The following ANKH variants were observed in gnomAD, a reference collection of about 807,000 sequenced individuals.
The protein encoded by ANKH is mineralization regulator ANKH.
In ANKH, 15 loss-of-function variants were observed where a neutral mutation model predicts 49.0. That is an observed-to-expected ratio of 0.31 (90% CI 0.20 to 0.47). ANKH has a LOEUF of 0.47. Among genes scored for constraint, ANKH ranks in the 20% least tolerant of loss-of-function variants. The probability of loss-of-function intolerance (pLI) is 1.00; values close to 1 mark genes in which losing one functional copy is unlikely to be tolerated. For missense variants in ANKH, 429 were observed against 652.0 expected, an observed-to-expected ratio of 0.66 and a Z score of 3.72; for synonymous variants, 273 against 260.0, an observed-to-expected ratio of 1.05 and a Z score of -0.48.
At chr5:14,771,937 A>AAAAAAAAAAAAAAAAAC (rs1561048114) in intron 1 of ANKH, among the ~76,000 whole-genome samples, 5 of 140,386 alleles carry the variant, frequency 3.6e-5, no homozygotes, top group Admixed American at 1.4e-4. Context: ...AAAAAAAAAA[A>AAAAAAAAAAAAAAAAAC]AAAAAAAAAA....
At chr5:14,793,024 ATATATATATAAAAATAT>A (rs1279057875) in intron 1 of ANKH, among the ~76,000 whole-genome samples, 5 of 43,128 alleles carry the variant, frequency 1.2e-4, no homozygotes, top group Non-Finnish European at 1.9e-4. Flanking sequence ...ATATATAAAT[ATATATATATAAAAATAT>A]ATATATAAAT....
At chr5:14,739,068 GAGAC>G (rs1738272928) in intron 8 of ANKH, among the ~76,000 whole-genome samples, 1 of 152,190 alleles carries the variant, frequency 6.6e-6, no homozygotes, top group South Asian at 2.1e-4. Context: ...AATACAGTAA[GAGAC>G]AGAATAAGGT....
At chr5:14,821,097 TA>T (rs34183956) in intron 1 of ANKH, among the ~76,000 whole-genome samples, 1,626 of 146,908 alleles carry the variant, frequency 0.011, 29 homozygotes, top group African/African-American at 0.037. Context: ...GACCCTGTCT[TA>T]AAAAAAAAAA....
At chr5:14,755,039 C>T (rs545591395) in intron 4 of ANKH, among the ~76,000 whole-genome samples, 7 of 136,456 alleles carry the variant, frequency 5.1e-5, no homozygotes, top group African/African-American at 1.8e-4. Context: ...TTGTGCCATT[C>T]GACAAGAGCG....
chr5:14,766,096 G>C (rs1739250444), intron 2 of ANKH, among the ~76,000 whole-genome samples: 1 of 152,044 alleles, frequency 6.6e-6, no homozygotes, highest in African/African-American at 2.4e-5. Context: ...GGAAAAATTA[G>C]ACAGTGTTGT....
chr5:14,821,822 C>A (rs1003683649), intron 1 of ANKH, among the ~76,000 whole-genome samples: 1 of 152,170 alleles, frequency 6.6e-6, no homozygotes, highest in Admixed American at 6.5e-5. Flanking sequence ...TACATTAAGG[C>A]CCTCTGATGT....
At chr5:14,859,669 G>C (rs1012009745) in intron 1 of ANKH, among the ~76,000 whole-genome samples, 1 of 152,202 alleles carries the variant, frequency 6.6e-6, no homozygotes, top group Non-Finnish European at 1.5e-5. Flanking sequence ...TGGTTGACTA[G>C]GAAGACTGCA....
At chr5:14,734,225 C>T (rs984647867) in intron 8 of ANKH, among the ~76,000 whole-genome samples, 10 of 152,240 alleles carry the variant, frequency 6.6e-5, no homozygotes, top group African/African-American at 1.2e-4. Context: ...TCCTGCTCTG[C>T]CGTAATCATT....
At chr5:14,788,111 C>T (rs916020646) in intron 1 of ANKH, 6 of 152,196 alleles carry the variant, frequency 3.9e-5, no homozygotes, top group African/African-American at 1.2e-4. Flanking sequence ...GCCCTAGAAG[C>T]TTACCAGGAC....
intron 1 of ANKH, among the ~76,000 whole-genome samples, chr5:14,848,638 G>A (rs889750653): frequency 6.6e-6 from 1 of 152,170 alleles, no homozygotes; most frequent in Non-Finnish European, 1.5e-5. Context: ...GCTCCCGATC[G>A]GGCTGGGGCT....
chr5:14,844,090 A>G (rs1241484117), intron 1 of ANKH, among the ~76,000 whole-genome samples: 1 of 152,188 alleles, frequency 6.6e-6, no homozygotes, highest in Non-Finnish European at 1.5e-5. Flanking sequence ...TTGCAGAGAG[A>G]AAAAACTTCA....
At chr5:14,827,291 G>C (rs751809839) in intron 1 of ANKH, among the ~76,000 whole-genome samples, 1 of 152,180 alleles carries the variant, frequency 6.6e-6, no homozygotes, top group African/African-American at 2.4e-5. Flanking sequence ...TCTGAGCCAG[G>C]TATTTCTTAC....
At chr5:14,755,720 CTCTA>C (rs2126490194) in intron 4 of ANKH, 137 bp downstream of exon 4, 1 of 731,780 alleles carries the variant, frequency 1.4e-6, no homozygotes, top group South Asian at 1.5e-5. Context: ...TTATTGAGGT[CTCTA>C]TGTGATGTAA....
intron 8 of ANKH, among the ~76,000 whole-genome samples, chr5:14,719,622 A>C (rs1439082562): frequency 6.6e-6 from 1 of 152,174 alleles, no homozygotes; most frequent in Non-Finnish European, 1.5e-5. Context: ...GCTAAGAAAG[A>C]TGATAATTGA....
At chr5:14,732,901 C>T (rs1366042254) in intron 8 of ANKH, among the ~76,000 whole-genome samples, 1 of 152,142 alleles carries the variant, frequency 6.6e-6, no homozygotes, top group Non-Finnish European at 1.5e-5. Context: ...CATCCCTCTT[C>T]CCTCATTAAA....
chr5:14,711,355 A>G (rs1337577571), intron 11 of ANKH, 45 bp from the exon 12 acceptor site: 1 of 1,525,174 alleles, frequency 6.6e-7, no homozygotes. Context: ...GGATGGGGAC[A>G]CTGCACAGCA....
At chr5:14,865,105 A>G (rs565489604) in intron 1 of ANKH, among the ~76,000 whole-genome samples, 211 of 152,286 alleles carry the variant, frequency 1.4e-3, no homozygotes, top group Non-Finnish European at 2.7e-3. Flanking sequence ...TACTAAAAAT[A>G]TAAAATTAGC....
intron 1 of ANKH, among the ~76,000 whole-genome samples, chr5:14,772,218 G>A (rs941807497): frequency 1.3e-5 from 2 of 152,172 alleles, no homozygotes; most frequent in African/African-American, 4.8e-5. Context: ...TTCACGTTCT[G>A]TGCCTTTGTT....
intron 1 of ANKH, among the ~76,000 whole-genome samples, chr5:14,812,417 T>C (rs1028387535): frequency 1.3e-5 from 2 of 152,120 alleles, no homozygotes; most frequent in African/African-American, 4.8e-5. Flanking sequence ...GGCTTCCTGA[T>C]CTGGAAGCAG....
Sources: allele counts gnomAD v4.1 joint callset (sites outside exome capture counted in the v4.1 genomes callset), GRCh38; gene constraint gnomAD v4.1.1; transcripts MANE v1.5; gene names NCBI Gene and HGNC (gene_info 2026-07-23, HGNC 2026-07-21).